LAMA1: variants seen among roughly 807,000 people sequenced by gnomAD.
LAMA1 encodes laminin subunit alpha-1.
In LAMA1, 219 loss-of-function variants were observed where a neutral mutation model predicts 348.7. The observed-to-expected ratio is 0.63, with a 90% confidence interval of 0.56 to 0.70. The LOEUF (loss-of-function observed/expected upper bound fraction) is 0.70. Ranked by LOEUF, LAMA1 falls within the 30% of genes least tolerant of loss-of-function variation. LAMA1 has a pLI of 0.00. For missense variants in LAMA1, 3,744 were observed against 3,888.0 expected (o/e 0.96, Z 0.99); for synonymous variants, 1,487 against 1,491.0 (o/e 1.00, Z 0.06).
At chr18:7,059,120 C>T (rs1167922068) in intron 3 of LAMA1, among the ~76,000 whole-genome samples, 2 of 152,152 alleles carry the variant, frequency 1.3e-5, no homozygotes, top group Non-Finnish European at 2.9e-5. Context: ...GAACTCCTAA[C>T]CTCAGGTGAT....
At position 7,079,993 on chromosome 18, in the gene LAMA1, G is replaced by A. The variant is rs765643632; in HGVS notation, c.327C>T (p.Ile109=). 1.4e-5 allele frequency: 22 copies of A among 1,613,596 alleles called. No individual in the cohort carries two copies. The African/African-American group carries it at 1.7e-4, about 13-fold the overall frequency. ...QNGREYHWVT[I]TLDLRQVFQV... ...CACCTACCTGTCTTAAGTCCAGAGT[G>A]ATTGTGACCCAGTGATATTCTCTCC... is the stretch of plus-strand genomic sequence containing the variant. The change falls in exon 3 of 63, where the codon ATC becomes ATT. Residue 109 remains isoleucine (I), a synonymous_variant. Transcript: ENST00000389658.
chr18:7,078,500 T>A (rs915317592), intron 3 of LAMA1, among the ~76,000 whole-genome samples: 1 of 152,072 alleles, frequency 6.6e-6, no homozygotes, highest in African/African-American at 2.4e-5. Flanking sequence ...TTTGAAAATA[T>A]TAAGGAGTGT....
At position 7,038,790 on chromosome 18, in the gene LAMA1, G is replaced by GC. The variant is rs755017097; in HGVS notation, c.1563+19dup. 8 of 1,613,566 alleles carry GC rather than the reference G, an allele frequency of 5.0e-6. No individual in the cohort carries two copies. The highest frequency in any genetic ancestry group is 3.3e-5 in the South Asian group (3 of 91,078). The stretch of plus-strand genomic sequence containing the variant: ...TACGACCTGCTCATTAAATCCCGCC[G>GC]CGCAGATGGCGCCTCCCACCTGACC... On this transcript the variant is annotated intron_variant, in intron 11 of 62. Transcript: ENST00000389658.
chr18:6,986,234 A>C lies in LAMA1; in HGVS notation c.5282T>G (p.Leu1761Arg). Residue 1761 changes from leucine (L) to arginine (R), a missense_variant, in exon 37 of 63, where the codon CTA becomes CGA. By Grantham distance (102) the Leu-to-Arg change is moderately radical. Transcript: ENST00000389658. ...SHVLSKHNNE[L>R]KAAEALVREA... ...CCTCACGAGCGCCTCAGCCGCCTTTAGTTCATTGTTGTGCTTTGAAAGGAC... is the reference window on the plus strand; with the variant it reads ...CCTCACGAGCGCCTCAGCCGCCTTTCGTTCATTGTTGTGCTTTGAAAGGAC... 6.2e-7 allele frequency: 1 copy of C among 1,614,144 alleles called. No individual in the cohort carries two copies. Among genetic ancestry groups the C allele is most frequent in the Non-Finnish European group, 8.5e-7 (1 of 1,180,028 alleles).
chr18:6,999,743 T>C (rs1189407285), intron 31 of LAMA1, 105 bp from the exon 32 acceptor site: 33 of 1,234,378 alleles, frequency 2.7e-5, no homozygotes, highest in Non-Finnish European at 3.6e-5. Flanking sequence ...ACAGATCCAT[T>C]CACCTTGGGA....
intron 42 of LAMA1, among the ~76,000 whole-genome samples, chr18:6,979,183 T>TA (rs1443083696): frequency 6.6e-6 from 1 of 151,436 alleles, no homozygotes; most frequent in East Asian, 1.9e-4. Context: ...GGCATCCTTA[T>TA]AAAAAAAGAA....
At chr18:7,036,970 AG>A (rs1287101137) in intron 12 of LAMA1, among the ~76,000 whole-genome samples, 2 of 152,104 alleles carry the variant, frequency 1.3e-5, no homozygotes, top group East Asian at 1.9e-4. Flanking sequence ...ATAAGTGGGG[AG>A]GGGGGAATGG....
In LAMA1 at chr18:6,999,905, ATG is replaced by A. The variant is rs1254813081; in HGVS notation, c.4469+4_4469+5del. ...GGGATTTCCACATGACAATCCACCC[ATG>A]TACCTTTCACAGTGTTTTCCTTCAT... is the stretch of plus-strand genomic sequence containing the variant. On this transcript the variant is annotated splice_donor_5th_base_variant and intron_variant, in intron 31 of 62. Transcript: ENST00000389658. 1 of 1,613,180 alleles carries A rather than the reference ATG, an allele frequency of 6.2e-7. No homozygotes were observed.
chr18:6,995,263 A>G, intron 34 of LAMA1, 94 bp downstream of exon 34: 2 of 840,152 alleles, frequency 2.4e-6, no homozygotes, highest in South Asian at 2.7e-5. Flanking sequence ...GGCATGATCT[A>G]ATCAGAACCT....
At chr18:7,037,306 G>GT (rs2057999513) in intron 12 of LAMA1, among the ~76,000 whole-genome samples, 1 of 152,190 alleles carries the variant, frequency 6.6e-6, no homozygotes, top group South Asian at 2.1e-4. Context: ...GACCCAGAAA[G>GT]TTTATCTCAG....
chr18:7,078,462 G>A (rs2058180160), intron 3 of LAMA1, among the ~76,000 whole-genome samples: 1 of 151,874 alleles, frequency 6.6e-6, no homozygotes, highest in Middle Eastern at 3.4e-3. Flanking sequence ...CACCGCACCT[G>A]GCTCTTTTCT....
chr18:7,109,126 A>C (rs2058325793), intron 1 of LAMA1, among the ~76,000 whole-genome samples: 1 of 152,226 alleles, frequency 6.6e-6, no homozygotes, highest in Non-Finnish European at 1.5e-5. Context: ...AATCCATTTG[A>C]TTGGATGATA....
At chr18:6,968,224 G>A (rs2057642402) in intron 48 of LAMA1, among the ~76,000 whole-genome samples, 2 of 152,174 alleles carry the variant, frequency 1.3e-5, no homozygotes, top group African/African-American at 4.8e-5. Flanking sequence ...GGAATTAGGA[G>A]AGCGTCCGCC....
At chr18:7,059,651 T>G (rs1467826794) in intron 3 of LAMA1, among the ~76,000 whole-genome samples, 1 of 152,152 alleles carries the variant, frequency 6.6e-6, no homozygotes, top group Admixed American at 6.6e-5. Flanking sequence ...GCCTCTCCTC[T>G]CCACAGAAAG....
At chr18:7,059,467 T>G (rs2058094567) in intron 3 of LAMA1, among the ~76,000 whole-genome samples, 1 of 152,178 alleles carries the variant, frequency 6.6e-6, no homozygotes, top group African/African-American at 2.4e-5. Flanking sequence ...ATAAATAAAG[T>G]AGGCACACAT....
At chr18:7,025,050 C>T (rs1340657468) in intron 17 of LAMA1, among the ~76,000 whole-genome samples, 5 of 152,196 alleles carry the variant, frequency 3.3e-5, no homozygotes, top group Non-Finnish European at 7.3e-5. Context: ...CATGAGTAAC[C>T]CTGACTGCAT....
intron 16 of LAMA1, 24 bp downstream of exon 16, chr18:7,032,042 C>A (rs749812342): frequency 6.3e-7 from 1 of 1,594,422 alleles, no homozygotes; most frequent in South Asian, 1.1e-5. Flanking sequence ...GGAGAGGGCA[C>A]CTGAACTACA....
intron 48 of LAMA1, among the ~76,000 whole-genome samples, chr18:6,966,666 A>G (rs916715997): frequency 6.6e-6 from 1 of 152,158 alleles, no homozygotes; most frequent in African/African-American, 2.4e-5. Context: ...TTATATTGAC[A>G]TTTTCACTTT....
intron 16 of LAMA1, among the ~76,000 whole-genome samples, chr18:7,027,385 G>C (rs1459798058): frequency 6.6e-6 from 1 of 152,054 alleles, no homozygotes; most frequent in Non-Finnish European, 1.5e-5. Context: ...AGGCAAATGG[G>C]GAAAATGGCA....
Sources: allele counts gnomAD v4.1 joint callset (sites outside exome capture counted in the v4.1 genomes callset), GRCh38; gene constraint gnomAD v4.1.1; transcripts MANE v1.5; gene names NCBI Gene and HGNC (gene_info 2026-07-23, HGNC 2026-07-21).